Variants in CDH6 observed in about 807,000 individuals in gnomAD.
CDH6 encodes the protein cadherin 6.
A neutral mutation model predicts 78.0 loss-of-function variants in CDH6; 31 were observed. The ratio of observed to expected loss-of-function variants is 0.40; its 90% CI spans 0.30 to 0.54. The LOEUF is 0.54. Among genes scored for constraint, CDH6 ranks in the 20% least tolerant of loss-of-function variants. The pLI, the probability that CDH6 is intolerant of heterozygous loss-of-function variation, is 0.56. For missense variants in CDH6, 724 were observed against 975.9 expected, an observed-to-expected ratio of 0.74 and a Z score of 3.44; for synonymous variants, 376 against 368.8, an observed-to-expected ratio of 1.02 and a Z score of -0.23.
rs1239863031 is a variant in CDH6, at chr5:31,323,253, G to A, written c.2318G>A (p.Arg773Gln). Residue 773 changes from arginine to glutamine, a missense_variant, in exon 12 of 12, where the codon CGA (arginine) becomes CAA (glutamine). Coordinates refer to ENST00000265071, the MANE Select transcript of CDH6 (RefSeq NM_004932.4). Reference sequence around the variant, plus strand: ...GATTACCTTAGTGACTGGGGACCTCGATTCAAAAAGCTTGCAGATATGTAT... The same window carrying A: ...GATTACCTTAGTGACTGGGGACCTCAATTCAAAAAGCTTGCAGATATGTAT... The part of the protein sequence containing the change: ...DYDYLSDWGP[R>Q]FKKLADMYGG... 1.9e-6 allele frequency: 3 copies of A among 1,614,096 alleles called. No homozygotes were observed. The highest frequency in any genetic ancestry group is 2.2e-5 in the East Asian group (1 of 44,878).
chr5:31,212,102 T>C (rs1740724985), intron 1 of CDH6, among the ~76,000 whole-genome samples: 1 of 152,238 alleles, frequency 6.6e-6, no homozygotes, highest in Non-Finnish European at 1.5e-5. Flanking sequence ...GATGCCCTGT[T>C]GGACATTTCT....
chr5:31,232,889 A>T (rs1276489007), intron 1 of CDH6, among the ~76,000 whole-genome samples: 2 of 152,204 alleles, frequency 1.3e-5, no homozygotes, highest in Non-Finnish European at 2.9e-5. Context: ...TCCTCACAAC[A>T]TTCCTCCAAA....
chr5:31,224,356 A>G (rs1164081048), intron 1 of CDH6, among the ~76,000 whole-genome samples: 1 of 152,192 alleles, frequency 6.6e-6, no homozygotes, highest in Non-Finnish European at 1.5e-5. Context: ...AACATGTGGG[A>G]ATTCAAGATG....
chr5:31,269,094 A>T (rs765306501), intron 2 of CDH6, among the ~76,000 whole-genome samples: 2 of 152,238 alleles, frequency 1.3e-5, no homozygotes, highest in Admixed American at 6.5e-5. Context: ...GTTGTAAAAA[A>T]TAATCATCAT....
intron 1 of CDH6, among the ~76,000 whole-genome samples, chr5:31,203,823 A>C (rs1740438538): frequency 6.6e-6 from 1 of 151,744 alleles, no homozygotes; most frequent in African/African-American, 2.4e-5. Context: ...GAATCGCCAC[A>C]CTGACTTCCA....
At chr5:31,202,656 C>T (rs201681932) in intron 1 of CDH6, among the ~76,000 whole-genome samples, 141 of 121,052 alleles carry the variant, frequency 1.2e-3, no homozygotes, top group African/African-American at 3.5e-3. Flanking sequence ...TATATATATA[C>T]ACACACATAT....
intron 1 of CDH6, among the ~76,000 whole-genome samples, chr5:31,246,630 T>G (rs1443419068): frequency 1.3e-5 from 2 of 152,224 alleles, no homozygotes; most frequent in African/African-American, 4.8e-5. Context: ...TTACAAACTT[T>G]GAGGGGCAAA....
In CDH6 at chr5:31,233,332, C is replaced by T. The variant is rs534651198; in HGVS notation, c.-128-34014C>T. ...ATCCAACCTGGGCAACATGGCAATG[C>T]CCCGTCTCTACAAAAAAAAAAAAAA... On this transcript the variant is annotated intron_variant, in intron 1 of 11. Transcript: ENST00000265071. Among the ~76,000 whole-genome samples the T allele has an allele frequency of 9.7e-5, 12 of 124,118 alleles. No homozygotes were observed. In the South Asian group the frequency reaches 2.9e-3, roughly 30 times the overall value. The allele number at this position is 124,118 out of a possible 152,430, so 81.4% of individuals were successfully genotyped here.
At chr5:31,320,976 C>CT (rs1169095615) in intron 11 of CDH6, among the ~76,000 whole-genome samples, 1 of 101,574 alleles carries the variant, frequency 9.8e-6, no homozygotes, top group Non-Finnish European at 2.1e-5. Context: ...GAGATTCTGT[C>CT]TTAAAAAAAA....
intron 11 of CDH6, among the ~76,000 whole-genome samples, chr5:31,322,184 A>G (rs1185473986): frequency 6.6e-6 from 1 of 152,214 alleles, no homozygotes; most frequent in South Asian, 2.1e-4. Flanking sequence ...GCCCCCTTCA[A>G]ATTAGCCAAT....
intron 1 of CDH6, among the ~76,000 whole-genome samples, chr5:31,214,014 C>A (rs917050302): frequency 6.6e-6 from 1 of 152,088 alleles, no homozygotes; most frequent in African/African-American, 2.4e-5. Context: ...CTTTGTAACT[C>A]CCTACCCCTG....
intron 11 of CDH6, among the ~76,000 whole-genome samples, chr5:31,321,230 G>A (rs909967129): frequency 8.6e-6 from 1 of 116,398 alleles, no homozygotes; most frequent in Non-Finnish European, 1.6e-5. Flanking sequence ...ATTATCAAAT[G>A]CGTGAATGAA....
chr5:31,305,683 C>A (rs1737971572), intron 7 of CDH6, among the ~76,000 whole-genome samples: 1 of 152,176 alleles, frequency 6.6e-6, no homozygotes, highest in Non-Finnish European at 1.5e-5. Flanking sequence ...ATTCACAAAT[C>A]CGGAAGTTCC....
chr5:31,319,294 C>T (rs1738413544), intron 11 of CDH6, among the ~76,000 whole-genome samples: 1 of 152,194 alleles, frequency 6.6e-6, no homozygotes, highest in African/African-American at 2.4e-5. Flanking sequence ...ACTGTCTCCT[C>T]ATGACTTGTA....
intron 7 of CDH6, among the ~76,000 whole-genome samples, chr5:31,307,473 A>G: frequency 6.6e-6 from 1 of 152,218 alleles, no homozygotes; most frequent in East Asian, 1.9e-4. Context: ...GAATATCTAC[A>G]AGACACTTTG....
At chr5:31,252,935 G>A (rs1481682730) in intron 1 of CDH6, among the ~76,000 whole-genome samples, 1 of 152,132 alleles carries the variant, frequency 6.6e-6, no homozygotes, top group Non-Finnish European at 1.5e-5. Context: ...ATGTAGCAAT[G>A]TGCTAAGTGT....
At chr5:31,201,150 A>G (rs1279876625) in intron 1 of CDH6, among the ~76,000 whole-genome samples, 1 of 152,154 alleles carries the variant, frequency 6.6e-6, no homozygotes, top group African/African-American at 2.4e-5. Context: ...TATTATTTAT[A>G]ATTATTCTGT....
intron 1 of CDH6, among the ~76,000 whole-genome samples, chr5:31,220,854 C>T (rs1474445959): frequency 1.3e-5 from 2 of 152,062 alleles, no homozygotes; most frequent in African/African-American, 4.8e-5. Context: ...GAAGAGGGGT[C>T]AGCATGGGTA....
At chr5:31,266,595 T>C (rs1742362952) in intron 1 of CDH6, among the ~76,000 whole-genome samples, 1 of 152,074 alleles carries the variant, frequency 6.6e-6, no homozygotes, top group Non-Finnish European at 1.5e-5. Flanking sequence ...ATTCTATAGG[T>C]TGCTGAATCA....
Sources: allele counts gnomAD v4.1 joint callset (sites outside exome capture counted in the v4.1 genomes callset), GRCh38; gene constraint gnomAD v4.1.1; transcripts MANE v1.5; gene names NCBI Gene and HGNC (gene_info 2026-07-23, HGNC 2026-07-21).